The following TAFA2 variants were observed in gnomAD, a reference collection of about 807,000 sequenced individuals.
TAFA2 encodes chemokine-like protein TAFA-2.
In TAFA2, 7 loss-of-function variants were observed where a neutral mutation model predicts 18.8. The observed-to-expected ratio is 0.37, with a 90% CI of 0.21 to 0.70. The LOEUF (loss-of-function observed/expected upper bound fraction) is 0.70, where lower values mean the gene tolerates loss of function less well. Among genes scored for constraint, TAFA2 ranks in the 30% least tolerant of loss-of-function variants. The probability of loss-of-function intolerance (pLI) is 0.53; values close to 1 mark genes in which losing one functional copy is unlikely to be tolerated. For missense variants in TAFA2, 122 were observed against 158.1 expected (o/e 0.77, Z 1.23); for synonymous variants, 60 against 54.2 (o/e 1.11, Z -0.47).
chr12:62,129,054 G>A (rs1181837004), intron 1 of TAFA2, among the ~76,000 whole-genome samples: 4 of 151,998 alleles, frequency 2.6e-5, no homozygotes, highest in Non-Finnish European at 5.9e-5. Context: ...ACAGTCCTCG[G>A]TAAATATTTA....
upstream of TAFA2, among the ~76,000 whole-genome samples, chr12:62,197,543 C>T (rs2136965780): frequency 6.6e-6 from 1 of 152,214 alleles, no homozygotes; most frequent in South Asian, 2.1e-4. Flanking sequence ...GTGAAACTAC[C>T]ACCAGTCAAA....
At chr12:62,072,491 C>A (rs1313445084) in intron 1 of TAFA2, among the ~76,000 whole-genome samples, 1 of 151,582 alleles carries the variant, frequency 6.6e-6, no homozygotes, top group Admixed American at 6.6e-5. Context: ...TAATAATAAT[C>A]CATTCCAGGC....
intron 1 of TAFA2, among the ~76,000 whole-genome samples, chr12:62,102,811 A>G (rs1869269274): frequency 6.6e-6 from 1 of 152,180 alleles, no homozygotes; most frequent in African/African-American, 2.4e-5. Context: ...ATTTAGGTAA[A>G]TCATATATCT....
chr12:61,754,767 T>C, intron 3 of TAFA2, 105 bp downstream of exon 3: 3 of 1,104,198 alleles, frequency 2.7e-6, no homozygotes, highest in Non-Finnish European at 3.8e-6. Context: ...GTATTTGTAG[T>C]ATGTTCACCC....
At chr12:61,744,560 G>A (rs1241654189) in intron 4 of TAFA2, among the ~76,000 whole-genome samples, 1 of 151,908 alleles carries the variant, frequency 6.6e-6, no homozygotes, top group African/African-American at 2.4e-5. Flanking sequence ...GGTTTAAAAT[G>A]TTACTTTCTT....
chr12:62,001,851 T>C (rs918072671), intron 1 of TAFA2, among the ~76,000 whole-genome samples: 2 of 152,150 alleles, frequency 1.3e-5, no homozygotes, highest in East Asian at 3.8e-4. Flanking sequence ...AACATACAGA[T>C]GAAAATAAGA....
At chr12:61,801,411 G>T (rs184625878) in intron 2 of TAFA2, among the ~76,000 whole-genome samples, 71 of 152,032 alleles carry the variant, frequency 4.7e-4, no homozygotes, top group African/African-American at 1.7e-3. Flanking sequence ...CATAGTACTG[G>T]TATAAAAACA....
chr12:62,004,545 A>G (rs1049381534), intron 1 of TAFA2, among the ~76,000 whole-genome samples: 48 of 152,156 alleles, frequency 3.2e-4, no homozygotes, highest in African/African-American at 1.2e-3. Context: ...CTCTGCTCAG[A>G]TATGAGTAAA....
At chr12:61,803,639 A>G (rs1871486727) in intron 2 of TAFA2, among the ~76,000 whole-genome samples, 3 of 152,056 alleles carry the variant, frequency 2.0e-5, no homozygotes, top group South Asian at 2.1e-4. Flanking sequence ...TTTCTCTAAA[A>G]TTGTATCCAA....
At chr12:62,113,079 T>C (rs1364025499) in intron 1 of TAFA2, among the ~76,000 whole-genome samples, 1 of 152,176 alleles carries the variant, frequency 6.6e-6, no homozygotes, top group Admixed American at 6.5e-5. Flanking sequence ...TTTTGGAATT[T>C]TCAGGCTTTT....
intron 2 of TAFA2, among the ~76,000 whole-genome samples, chr12:61,792,472 A>T (rs1431084526): frequency 6.6e-6 from 1 of 151,636 alleles, no homozygotes; most frequent in East Asian, 1.9e-4. Flanking sequence ...TCATTACACA[A>T]TGTATATATG....
At chr12:62,026,406 T>C (rs951656062) in intron 1 of TAFA2, among the ~76,000 whole-genome samples, 1 of 152,100 alleles carries the variant, frequency 6.6e-6, no homozygotes, top group Non-Finnish European at 1.5e-5. Flanking sequence ...GATTTGCTTT[T>C]TTCTTGCTGA....
intron 1 of TAFA2, among the ~76,000 whole-genome samples, chr12:61,978,215 C>T (rs1879505805): frequency 6.6e-6 from 1 of 151,934 alleles, no homozygotes; most frequent in Non-Finnish European, 1.5e-5. Context: ...ACTAAGTCTA[C>T]CTGAGTAATT....
At chr12:62,219,949 C>T (rs2062753730) in intron 1 of TAFA2, among the ~76,000 whole-genome samples, 1 of 152,148 alleles carries the variant, frequency 6.6e-6, no homozygotes, top group African/African-American at 2.4e-5. Context: ...AAGATGAAAA[C>T]TGAAAATACC....
intron 1 of TAFA2, among the ~76,000 whole-genome samples, chr12:62,156,477 G>A (rs2062370521): frequency 6.6e-6 from 1 of 152,024 alleles, no homozygotes; most frequent in Non-Finnish European, 1.5e-5. Context: ...ATTACTATAT[G>A]AAAAAGATAC....
At chr12:62,180,611 T>G (rs930166337) in intron 1 of TAFA2, among the ~76,000 whole-genome samples, 1 of 152,184 alleles carries the variant, frequency 6.6e-6, no homozygotes, top group Non-Finnish European at 1.5e-5. Flanking sequence ...GAGTTTTAAT[T>G]TTGTGGAATC....
chr12:61,943,368 A>G (rs1565690519), intron 1 of TAFA2, among the ~76,000 whole-genome samples: 1 of 151,514 alleles, frequency 6.6e-6, no homozygotes, highest in Non-Finnish European at 1.5e-5. Context: ...TGTAAAGATC[A>G]TCGAGACTAG....
intron 4 of TAFA2, among the ~76,000 whole-genome samples, chr12:61,735,847 A>G (rs1184611391): frequency 2.0e-5 from 3 of 151,996 alleles, no homozygotes; most frequent in African/African-American, 7.2e-5. Flanking sequence ...TATGCTGAAT[A>G]TATTTGCAAA....
At chr12:61,904,886 T>G (rs143999208) in intron 1 of TAFA2, among the ~76,000 whole-genome samples, 461 of 152,320 alleles carry the variant, frequency 3.0e-3, no homozygotes, top group African/African-American at 1.0e-2. Flanking sequence ...TTCATTGTCC[T>G]CAAGTCTTTG....
Sources: gnomAD v4.1 joint callset for allele counts (sites outside exome capture counted in the v4.1 genomes callset) on GRCh38, gnomAD v4.1.1 for gene constraint, MANE v1.5 for transcripts, NCBI Gene and HGNC (gene_info 2026-07-23, HGNC 2026-07-21) for gene names.